NOL4L: variants seen among roughly 807,000 people sequenced by gnomAD.
NOL4L encodes nucleolar protein 4 like, also known as nucleolar protein 4-like.
A neutral mutation model predicts 64.5 loss-of-function variants in NOL4L; 7 were observed. That is an observed-to-expected ratio of 0.11 (90% CI 0.06 to 0.20). The LOEUF (loss-of-function observed/expected upper bound fraction) is 0.20. NOL4L is among the 10% of genes least tolerant of loss of function. NOL4L has a pLI of 1.00. For missense variants in NOL4L, 680 were observed against 967.1 expected (o/e 0.70, Z 3.94); for synonymous variants, 413 against 401.0 (o/e 1.03, Z -0.36).
In NOL4L at chr20:32,538,567, G is replaced by A. The variant is rs1011409580; in HGVS notation, c.322-10654C>T. 5.4e-5 allele frequency among the ~76,000 whole-genome samples: 8 copies of A among 147,148 alleles called. No individual in the cohort carries two copies. In the East Asian group the frequency reaches 5.9e-4, roughly 11 times the overall value. On this transcript the variant is annotated intron_variant, in intron 1 of 10. Coordinates refer to ENST00000621426, the MANE Select transcript of NOL4L (RefSeq NM_001256798.2). The stretch of plus-strand genomic sequence containing the variant: ...TGAGAACCCAGCGTTCCCCAACCCC[G>A]CCAGCATTCCAGTGAGAGGAGGGGT...
chr20:32,466,319 G>C (rs1384200536), intron 5 of NOL4L, among the ~76,000 whole-genome samples: 2 of 152,060 alleles, frequency 1.3e-5, no homozygotes, highest in Admixed American at 6.5e-5. Flanking sequence ...CCCAGAGCTT[G>C]TCCTCCCCAG....
At chr20:32,555,530 T>C (rs1267400629) in intron 1 of NOL4L, among the ~76,000 whole-genome samples, 3 of 151,900 alleles carry the variant, frequency 2.0e-5, no homozygotes, top group Non-Finnish European at 2.9e-5. Context: ...CCCCCTGGGT[T>C]CCAGCAATTC....
At position 32,585,233 on chromosome 20, in the gene NOL4L, G is replaced by A. The variant is rs1458671876; in HGVS notation, c.-343C>T. 1.4e-5 allele frequency among the ~76,000 whole-genome samples: 2 copies of A among 147,344 alleles called. No homozygotes were observed. The highest frequency in any genetic ancestry group is 3.0e-5 in the Non-Finnish European group (2 of 65,984). On this transcript the variant is annotated 5_prime_UTR_variant, in exon 1 of 11. Transcript: ENST00000621426. ...CGGGCCGCCCCGCGGGCGGCCGGGGGAGGCGGGAGGCGGGGAGCGGCCCCG... is the reference window on the plus strand; with the variant it reads ...CGGGCCGCCCCGCGGGCGGCCGGGGAAGGCGGGAGGCGGGGAGCGGCCCCG...
At chr20:32,527,110 T>C (rs1168103275) in intron 2 of NOL4L, among the ~76,000 whole-genome samples, 2 of 152,212 alleles carry the variant, frequency 1.3e-5, no homozygotes, top group African/African-American at 2.4e-5. Context: ...CGGGCTCATC[T>C]GTGTCTGGCG....
intron 1 of NOL4L, among the ~76,000 whole-genome samples, chr20:32,549,806 A>T (rs1310960067): frequency 1.3e-5 from 2 of 152,176 alleles, no homozygotes; most frequent in African/African-American, 2.4e-5. Context: ...GAGAAATTGC[A>T]ACCCTCATGC....
intron 5 of NOL4L, among the ~76,000 whole-genome samples, chr20:32,465,780 C>T (rs139319654): frequency 1.2e-3 from 180 of 152,352 alleles, no homozygotes; most frequent in Middle Eastern, 0.01. Context: ...GACGCCAACG[C>T]GGCCTGGTCA....
At chr20:32,472,709 C>A (rs2015108170) in intron 5 of NOL4L, among the ~76,000 whole-genome samples, 1 of 151,892 alleles carries the variant, frequency 6.6e-6, no homozygotes, top group Non-Finnish European at 1.5e-5. Context: ...GCTGCCTGGG[C>A]CTTCCCAAGG....
At chr20:32,474,080 A>G (rs1398016869) in intron 5 of NOL4L, among the ~76,000 whole-genome samples, 2 of 152,228 alleles carry the variant, frequency 1.3e-5, no homozygotes, top group East Asian at 3.9e-4. Flanking sequence ...GGAGGCGGTC[A>G]GGGCTAGGGA....
Position 32,447,925 on chromosome 20 carries a change from T to C in NOL4L, c.1823-109A>G. ...CCTATGGCCTAGTGCCCACTGTGAGTTGGGCACTGAAGTCCGTGGCTCTGG... is the reference window on the plus strand; with the variant it reads ...CCTATGGCCTAGTGCCCACTGTGAGCTGGGCACTGAAGTCCGTGGCTCTGG... On this transcript the variant is annotated intron_variant, in intron 10 of 10. Transcript: ENST00000621426. 2.9e-6 allele frequency: 4 copies of C among 1,381,626 alleles called. No individual in the cohort carries two copies. The South Asian group carries it at 6.6e-5, about 23-fold the overall frequency. The allele number at this position is 1,381,626 out of a possible 1,614,324, so 85.6% of individuals were successfully genotyped here. A position where few individuals can be genotyped will look rare whatever the true frequency, so the allele number is the denominator to read the frequency against.
At chr20:32,582,198 G>A (rs1261275260) in intron 1 of NOL4L, 2 of 152,220 alleles carry the variant, frequency 1.3e-5, no homozygotes, top group Non-Finnish European at 2.9e-5. Flanking sequence ...GCTGTCGAGG[G>A]AGGGCACGTC....
chr20:32,578,126 AG>A, intron 1 of NOL4L, among the ~76,000 whole-genome samples: 1 of 89,934 alleles, frequency 1.1e-5, no homozygotes, highest in Non-Finnish European at 1.9e-5. Flanking sequence ...GAAGGAAGGA[AG>A]GAAGGAAGGA....
intron 1 of NOL4L, among the ~76,000 whole-genome samples, chr20:32,542,192 C>A (rs189885507): frequency 1.3e-5 from 2 of 152,218 alleles, no homozygotes; most frequent in African/African-American, 4.8e-5. Context: ...CCTCCTCGGG[C>A]TAGCTGCTAG....
Position 32,453,456 on chromosome 20 carries a change from T to C in NOL4L, c.1345A>G (p.Met449Val). 1 of 1,614,102 alleles carries C rather than the reference T, an allele frequency of 6.2e-7. No homozygotes were observed. Among genetic ancestry groups the C allele is most frequent in the East Asian group, 2.2e-5 (1 of 44,852 alleles). ...RLFVDENLDR[M>V]VPISKQPKEK... ...TTGGGCTGCTTGGAGATGGGCACCA[T>C]GCGGTCCAGGTTCTCGTCCACAAAG... The change falls in exon 8 of 11, where the codon ATG (methionine) becomes GTG (valine). Residue 449 changes from methionine (M) to valine (V), a missense_variant. This residue lies in a region of NOL4L where 70 missense variants were observed against 166.1 expected (regional missense o/e 0.42). Coordinates refer to ENST00000621426, the MANE Select transcript of NOL4L (RefSeq NM_001256798.2). This position sits in a 1 kb window ranked among gnomAD's most constrained non-coding sequence, Gnocchi z 5.6.
At position 32,585,062 on chromosome 20, in the gene NOL4L, G is replaced by A. The variant is rs1980801372; in HGVS notation, c.-172C>T. On this transcript the variant is annotated 5_prime_UTR_variant, in exon 1 of 11. Transcript: ENST00000621426. ...GCGCGGGCGGCGGCCGGACGCGCGG[G>A]GCTGCGGCGCGCTCTGTCCTGCTCG... The A allele has an allele frequency of 5.1e-6, 1 of 197,512 alleles. No individual in the cohort carries two copies. The highest frequency in any genetic ancestry group is 9.0e-6 in the Non-Finnish European group (1 of 111,044). 12.2% of individuals were successfully genotyped at this position (197,512 alleles called of 1,614,324 possible).
Position 32,464,464 on chromosome 20 carries a change from C to T in NOL4L, c.842-8069G>A, listed in dbSNP as rs771755394. Among the ~76,000 whole-genome samples, 1 of 152,254 alleles carries T rather than the reference C, an allele frequency of 6.6e-6. No individual in the cohort carries two copies. Among genetic ancestry groups the T allele is most frequent in the Non-Finnish European group, 1.5e-5 (1 of 68,038 alleles). On this transcript the variant is annotated intron_variant, in intron 5 of 10. Transcript: ENST00000621426. The surrounding 1 kb of genome is among the most constrained non-coding windows in gnomAD (Gnocchi z 5.6). ...CCCAGCTCTGTCCCTGTGGTTCACA[C>T]AGCCTGGCCCGGCCCCAGCCACGGA... is the stretch of plus-strand genomic sequence containing the variant.
chr20:32,459,344 G>A (rs1322746215), intron 5 of NOL4L, among the ~76,000 whole-genome samples: 4 of 150,378 alleles, frequency 2.7e-5, no homozygotes, highest in South Asian at 4.2e-4. Context: ...GGGCTGAAGC[G>A]ATCTCCCCAG....
intron 1 of NOL4L, among the ~76,000 whole-genome samples, chr20:32,528,229 C>T (rs1164075077): frequency 1.3e-5 from 2 of 152,200 alleles, no homozygotes; most frequent in African/African-American, 4.8e-5. Flanking sequence ...TTGAATCACA[C>T]GCTGTGCCAA....
At chr20:32,503,341 G>C (rs994219010) in intron 4 of NOL4L, among the ~76,000 whole-genome samples, 1 of 152,204 alleles carries the variant, frequency 6.6e-6, no homozygotes, top group African/African-American at 2.4e-5. Context: ...TACACAACAA[G>C]AGGAGGTAAT....
rs1171004798 is a variant in NOL4L, at chr20:32,464,034, G to A, written c.842-7639C>T. On this transcript the variant is annotated intron_variant, in intron 5 of 10. Coordinates refer to ENST00000621426, the MANE Select transcript of NOL4L (RefSeq NM_001256798.2). The surrounding 1 kb of genome is among the most constrained non-coding windows in gnomAD (Gnocchi z 5.6). ...AGCAGCCAGGCGGGGGATGGGAGGG[G>A]CATCAATAATTCACACACAACAGGG... 2.0e-5 allele frequency among the ~76,000 whole-genome samples: 3 copies of A among 151,952 alleles called. No individual in the cohort carries two copies. The highest frequency in any genetic ancestry group is 2.4e-5 in the African/African-American group (1 of 41,360).
Sources: gnomAD v4.1 joint callset for allele counts (sites outside exome capture counted in the v4.1 genomes callset) on GRCh38, gnomAD v4.1.1 for gene constraint, gnomAD v4.1.1 regional missense constraint, Gnocchi (gnomAD v3.1) non-coding constraint, MANE v1.5 for transcripts, NCBI Gene and HGNC (gene_info 2026-07-23, HGNC 2026-07-21) for gene names.